The following P3H4 variants were observed in gnomAD, a reference collection of about 807,000 sequenced individuals.
The protein encoded by P3H4 is endoplasmic reticulum protein SC65.
In P3H4, 47 loss-of-function variants were observed where a neutral mutation model predicts 52.9. The observed-to-expected ratio is 0.89, with a 90% CI of 0.70 to 1.13. P3H4 has a LOEUF of 1.13. P3H4 is among the 50% of genes most tolerant of loss of function. P3H4 has a pLI of 0.00. For missense variants in P3H4, 585 were observed against 611.0 expected (o/e 0.96, Z 0.45); for synonymous variants, 256 against 267.9 (o/e 0.96, Z 0.44).
At chr17:41,805,204 G>A (rs1399371307) in intron 6 of P3H4, among the ~76,000 whole-genome samples, 18 of 150,176 alleles carry the variant, frequency 1.2e-4, no homozygotes, top group Admixed American at 4.0e-4. Flanking sequence ...GGAGAATGGC[G>A]TGAGAACCTG....
Position 41,802,549 on chromosome 17 carries a change from G to T in P3H4, c.*408C>A. 5.0e-6 allele frequency: 1 copy of T among 199,760 alleles called. No individual in the cohort carries two copies. The highest frequency in any genetic ancestry group is 9.7e-6 in the Non-Finnish European group (1 of 103,168). The allele number at this position is 199,760 out of a possible 1,614,324, so 12.4% of individuals were successfully genotyped here. A position where few individuals can be genotyped will look rare whatever the true frequency, so the allele number is the denominator to read the frequency against. ...GATTACAGGCGTGAGCCACCGTGCC[G>T]GCCCGTCTTGTTTTTTTTTAAAGAT... On this transcript the variant is annotated 3_prime_UTR_variant, in exon 8 of 8. Coordinates refer to ENST00000393928, the MANE Select transcript of P3H4 (RefSeq NM_006455.3).
chr17:41,807,889 GC>G lies in P3H4; in HGVS notation c.1031del (p.Gly344AlafsTer139). The part of the protein sequence containing the change: ...VYYRFHRARW[G>X]LEEEDFQPRE... Reference sequence around the variant, plus strand: ...GGGGCTGGAAGTCCTCCTCTTCCAGGCCCCAGCGAGCCCGGTGGAACCGGTA... The same window carrying G: ...GGGGCTGGAAGTCCTCCTCTTCCAGGCCCAGCGAGCCCGGTGGAACCGGTA... On this transcript the variant is annotated frameshift_variant, in exon 5 of 8. Coordinates refer to ENST00000393928, the MANE Select transcript of P3H4 (RefSeq NM_006455.3). LOFTEE classifies it high-confidence loss of function. The G allele has an allele frequency of 6.2e-7, 1 of 1,613,956 alleles. No homozygotes were observed. The highest frequency in any genetic ancestry group is 1.7e-5 in the Admixed American group (1 of 60,020).
intron 4 of P3H4, 127 bp downstream of exon 4, chr17:41,809,579 C>T: frequency 8.4e-7 from 1 of 1,188,890 alleles, no homozygotes; most frequent in East Asian, 2.4e-5. Context: ...CACCCCTAGA[C>T]TTTCCTCCTA....
At chr17:41,803,232 C>A in intron 7 of P3H4, 55 bp downstream of exon 7, 3 of 1,580,672 alleles carry the variant, frequency 1.9e-6, no homozygotes, top group Non-Finnish European at 2.6e-6. Flanking sequence ...ATGCATCTGT[C>A]CCCAACCTCC....
intron 3 of P3H4, 151 bp downstream of exon 3, chr17:41,810,712 C>G: frequency 2.1e-6 from 2 of 956,206 alleles, no homozygotes; most frequent in Non-Finnish European, 1.5e-6. Flanking sequence ...CCAGCTGGGG[C>G]CCCTGCACCC....
At position 41,805,743 on chromosome 17, in the gene P3H4, G is replaced by A. The variant is rs117605968; in HGVS notation, c.1146+1053C>T. On this transcript the variant is annotated intron_variant, in intron 6 of 7. Transcript: ENST00000393928. ...CACTTGTTTGGAGGCCACCCAACTGGTAAGTAATGGAGCCAGGTCTGGCTA... is the reference window on the plus strand; with the variant it reads ...CACTTGTTTGGAGGCCACCCAACTGATAAGTAATGGAGCCAGGTCTGGCTA... Among the ~76,000 whole-genome samples the A allele has an allele frequency of 3.6e-3, 544 of 152,306 alleles. 2 individuals carry two copies. Among genetic ancestry groups the A allele is most frequent in the Non-Finnish European group, 6.5e-3 (440 of 68,038 alleles).
chr17:41,804,198 G>A (rs1028404731), intron 6 of P3H4, among the ~76,000 whole-genome samples: 6 of 151,740 alleles, frequency 4.0e-5, no homozygotes, highest in Admixed American at 6.6e-5. Context: ...TGATCCGCCC[G>A]CCTTGGCCTC....
chr17:41,811,754 C>A lies in P3H4; in HGVS notation c.162G>T (p.Glu54Asp). The A allele has an allele frequency of 6.6e-7, 1 of 1,522,592 alleles. No individual in the cohort carries two copies. The highest frequency in any genetic ancestry group is 8.7e-7 in the Non-Finnish European group (1 of 1,147,240). 94.3% of individuals were successfully genotyped at this position (1,522,592 alleles called of 1,614,324 possible). A position where few individuals can be genotyped will look rare whatever the true frequency, so the allele number is the denominator to read the frequency against. Residue 54 changes from glutamate to aspartate, a missense_variant, in exon 1 of 8, where the codon GAG becomes GAT. Transcript: ENST00000393928. The surrounding 1 kb of genome is among the most constrained non-coding windows in gnomAD (Gnocchi z 4.8). ...GCGCCGCCTCCAGGTAGCGCGCGCTCTCGCGCCAGCTCTCTCCCTCGTACT... is the reference window on the plus strand; with the variant it reads ...GCGCCGCCTCCAGGTAGCGCGCGCTATCGCGCCAGCTCTCTCCCTCGTACT... ...LEQYEGESWR[E>D]SARYLEAALR...
chr17:41,809,666 C>A (rs2047708734), intron 4 of P3H4, 40 bp downstream of exon 4: 1 of 1,604,464 alleles, frequency 6.2e-7, no homozygotes, highest in Non-Finnish European at 8.5e-7. Context: ...TCCCTTATCA[C>A]CTCGTCCCCT....
chr17:41,805,387 C>T (rs1005520682), intron 6 of P3H4, among the ~76,000 whole-genome samples: 5 of 151,780 alleles, frequency 3.3e-5, no homozygotes, highest in Admixed American at 6.6e-5. Flanking sequence ...AGTACAGTGG[C>T]GCGATCTCGG....
At position 41,811,486 on chromosome 17, in the gene P3H4, G is replaced by A. The variant is rs1555615141; in HGVS notation, c.430C>T (p.Pro144Ser). The change falls in exon 1 of 8, where the codon CCC (proline) becomes TCC (serine). Residue 144 changes from proline to serine, a missense_variant. By Grantham distance (74) the Pro-to-Ser change is moderately conservative. Transcript: ENST00000393928. This position sits in a 1 kb window ranked among gnomAD's most constrained non-coding sequence, Gnocchi z 4.8. ...AGCGCGTAGTGCAGGTACTGGTAGG[G>A]CAGGCGGCTCTGGAAGTCACGCAGC... ...QLLRDFQSRL[P>S]YQYLHYALFK... 6.2e-7 allele frequency: 1 copy of A among 1,612,164 alleles called. No homozygotes were observed. The highest frequency in any genetic ancestry group is 8.5e-7 in the Non-Finnish European group (1 of 1,179,688).
chr17:41,811,167 C>G lies in P3H4; in HGVS notation c.580G>C (p.Glu194Gln), dbSNP rs374170886. The G allele has an allele frequency of 1.2e-6, 2 of 1,614,080 alleles. No individual in the cohort carries two copies. Among genetic ancestry groups the G allele is most frequent in the African/African-American group, 2.7e-5 (2 of 74,940 alleles). ...YYQGMLDVAD[E>Q]SLTDLEAQPY... ...TGGGCCTCTAGGTCCGTGAGGGACT[C>G]GTCGGCGACGTCCAGCATCCCCTGA... The change falls in exon 2 of 8, where the codon GAG becomes CAG. Residue 194 changes from glutamate to glutamine, a missense_variant. Transcript: ENST00000393928. The surrounding 1 kb of genome is among the most constrained non-coding windows in gnomAD (Gnocchi z 4.8).
intron 5 of P3H4, 92 bp from the exon 6 acceptor site, chr17:41,806,971 C>T: frequency 1.1e-6 from 1 of 886,482 alleles, no homozygotes; most frequent in Non-Finnish European, 1.8e-6. Context: ...GCCCACTGGC[C>T]CTCTTCTAGC....
At chr17:41,806,205 C>T (rs1029433965) in intron 6 of P3H4, among the ~76,000 whole-genome samples, 8 of 150,946 alleles carry the variant, frequency 5.3e-5, no homozygotes, top group East Asian at 3.9e-4. Context: ...GGCGGCAGAG[C>T]GAGACTCCAT....
Position 41,811,819 on chromosome 17 carries a change from G to A in P3H4, c.97C>T (p.Leu33=). The A allele has an allele frequency of 3.9e-6, 6 of 1,538,904 alleles. No individual in the cohort carries two copies. Among genetic ancestry groups the A allele is most frequent in the Non-Finnish European group, 3.5e-6 (4 of 1,154,138 alleles). ...CCGTACGCCGCGGCCAGCGGCATCA[G>A]GTCCTCGGGCGGGAAGCCCCGGAAG... ...YSFRGFPPED[L]MPLAAAYGHA... Residue 33 remains leucine (L), a synonymous_variant, in exon 1 of 8, where the codon CTG becomes TTG. Transcript: ENST00000393928. The surrounding 1 kb of genome is among the most constrained non-coding windows in gnomAD (Gnocchi z 4.8).
intron 4 of P3H4, 97 bp downstream of exon 4, chr17:41,809,609 C>G: frequency 7.0e-7 from 1 of 1,431,924 alleles, no homozygotes; most frequent in Non-Finnish European, 9.5e-7. Flanking sequence ...GTCCTCAATA[C>G]TGAAGGAAAG....
chr17:41,806,461 G>A (rs1555614178), intron 6 of P3H4, among the ~76,000 whole-genome samples: 1 of 152,126 alleles, frequency 6.6e-6, no homozygotes, highest in East Asian at 1.9e-4. Flanking sequence ...AATCACCCAG[G>A]TCCAGGCCAC....
In P3H4 at chr17:41,811,545, G is replaced by C. The variant is rs370335745; in HGVS notation, c.371C>G (p.Pro124Arg). The C allele has an allele frequency of 2.8e-5, 45 of 1,609,886 alleles. No homozygotes were observed. The highest frequency in any genetic ancestry group is 2.2e-4 in the South Asian group (20 of 90,814). The change falls in exon 1 of 8, where the codon CCC becomes CGC. Residue 124 changes from proline to arginine, a missense_variant. By Grantham distance (103) the Pro-to-Arg change is moderately radical. Coordinates refer to ENST00000393928, the MANE Select transcript of P3H4 (RefSeq NM_006455.3). The surrounding 1 kb of genome is among the most constrained non-coding windows in gnomAD (Gnocchi z 4.8). ...ACLRRCKRTL[P>R]AFQVPYPPRQ... Reference sequence around the variant, plus strand: ...CGGCGGGTAGGGCACCTGGAAGGCGGGCAGCGTCCGCTTGCAGCGCCGCAG... The same window carrying C: ...CGGCGGGTAGGGCACCTGGAAGGCGCGCAGCGTCCGCTTGCAGCGCCGCAG...
At chr17:41,805,124 A>G (rs1162121762) in intron 6 of P3H4, among the ~76,000 whole-genome samples, 1 of 151,552 alleles carries the variant, frequency 6.6e-6, no homozygotes, top group Non-Finnish European at 1.5e-5. Flanking sequence ...TCTCTACTAA[A>G]TATACAAAAA....
Sources: gnomAD v4.1 joint callset for allele counts (sites outside exome capture counted in the v4.1 genomes callset) on GRCh38, gnomAD v4.1.1 for gene constraint, Gnocchi (gnomAD v3.1) non-coding constraint, MANE v1.5 for transcripts, NCBI Gene and HGNC (gene_info 2026-07-23, HGNC 2026-07-21) for gene names.